Variants in INO80 observed in about 807,000 individuals in gnomAD.
INO80 encodes the protein INO80 complex ATPase subunit, also known as chromatin-remodeling ATPase INO80.
Under a neutral mutation model 203.4 loss-of-function variants are expected in INO80, and 20 were observed. The observed-to-expected ratio is 0.10, with a 90% confidence interval of 0.07 to 0.14. INO80 has a LOEUF of 0.14. Ranked by LOEUF, INO80 falls within the 10% of genes least tolerant of loss-of-function variation. The pLI is 1.00. For missense variants in INO80, 1,419 were observed against 1,914.4 expected (o/e 0.74, Z 4.83); for synonymous variants, 726 against 685.2 (o/e 1.06, Z -0.93).
At chr15:40,986,481 C>T (rs911465588) in intron 31 of INO80, among the ~76,000 whole-genome samples, 4 of 151,618 alleles carry the variant, frequency 2.6e-5, no homozygotes, top group Non-Finnish European at 4.4e-5. Context: ...CCCACCACCA[C>T]GCCCGACTAA....
chr15:40,983,717 T>C, intron 34 of INO80, 45 bp downstream of exon 34: 1 of 1,581,764 alleles, frequency 6.3e-7, no homozygotes, highest in Non-Finnish European at 8.7e-7. Context: ...AAACCAGTGC[T>C]GGGCAGTGGA....
At chr15:40,997,499 T>G (rs1195863942) in intron 29 of INO80, 30 bp downstream of exon 29, 1 of 1,432,652 alleles carries the variant, frequency 7.0e-7, no homozygotes, top group African/African-American at 1.4e-5. Context: ...AAAACCTGCA[T>G]ATCTAGTTGA....
In INO80 at chr15:41,007,165, A is replaced by T. The variant is rs183104853; in HGVS notation, c.3403-1478T>A. Reference sequence around the variant, plus strand: ...AAAAAGGTAGGCTTCCTGCACAGGCACTCTTTTTTTTTTTTTCTTTTTTTT... The same window carrying T: ...AAAAAGGTAGGCTTCCTGCACAGGCTCTCTTTTTTTTTTTTTCTTTTTTTT... On this transcript the variant is annotated intron_variant, in intron 27 of 35. Transcript: ENST00000648947. 3.0e-3 allele frequency among the ~76,000 whole-genome samples: 386 copies of T among 130,844 alleles called. 2 individuals are homozygous for T. Among genetic ancestry groups the T allele is most frequent in the South Asian group, 0.014 (59 of 4,174 alleles). 85.8% of individuals were successfully genotyped at this position (130,844 alleles called of 152,430 possible). A position where few individuals can be genotyped will look rare whatever the true frequency, so the allele number is the denominator to read the frequency against.
At chr15:41,023,436 C>T (rs2140471882) in intron 25 of INO80, 1 of 436,236 alleles carries the variant, frequency 2.3e-6, no homozygotes, top group Non-Finnish European at 4.6e-6. Flanking sequence ...ATGTCTTGAA[C>T]AGCATGCATA....
At chr15:41,039,091 A>C (rs1210490146) in intron 24 of INO80, among the ~76,000 whole-genome samples, 1 of 152,180 alleles carries the variant, frequency 6.6e-6, no homozygotes, top group Non-Finnish European at 1.5e-5. Context: ...TTTTGGCTCA[A>C]ATCCTTAACT....
chr15:41,100,519 C>A (rs2045792073), intron 1 of INO80, among the ~76,000 whole-genome samples: 1 of 152,188 alleles, frequency 6.6e-6, no homozygotes, highest in Non-Finnish European at 1.5e-5. Context: ...ATACATCAGT[C>A]CTGTCAACTG....
At chr15:41,058,961 T>G (rs2045051350) in intron 15 of INO80, among the ~76,000 whole-genome samples, 180 bp from the exon 16 acceptor site, 1 of 152,068 alleles carries the variant, frequency 6.6e-6, no homozygotes, top group Non-Finnish European at 1.5e-5. Flanking sequence ...GTCTGTTGTT[T>G]TGCTGTTGTT....
chr15:41,087,746 T>C lies in INO80; in HGVS notation c.538-64A>G, dbSNP rs532278319. ...AGTACAGCTTTCAAATTACCTTTAC[T>C]ACAGAAAACTAAGCCAGAGGAAATC... On this transcript the variant is annotated intron_variant, in intron 5 of 35. Transcript: ENST00000648947. 2.0e-3 allele frequency: 2,992 copies of C among 1,523,606 alleles called. 9 individuals are homozygous for C. The highest frequency in any genetic ancestry group is 2.4e-3 in the Non-Finnish European group (2,688 of 1,131,838). 94.4% of individuals were successfully genotyped at this position (1,523,606 alleles called of 1,614,324 possible).
chr15:40,998,816 C>G (rs2043916805), intron 28 of INO80, among the ~76,000 whole-genome samples: 1 of 152,042 alleles, frequency 6.6e-6, no homozygotes, highest in African/African-American at 2.4e-5. Flanking sequence ...TGCCCACCAC[C>G]ATGCCTGGCT....
chr15:41,084,693 T>C (rs939701081), intron 7 of INO80, among the ~76,000 whole-genome samples: 2 of 152,182 alleles, frequency 1.3e-5, no homozygotes, highest in Non-Finnish European at 1.5e-5. Context: ...ATTTGTAAAT[T>C]CTCTAAGAAA....
intron 27 of INO80, among the ~76,000 whole-genome samples, chr15:41,013,614 G>A (rs1265377450): frequency 6.6e-6 from 1 of 152,132 alleles, no homozygotes; most frequent in Non-Finnish European, 1.5e-5. Flanking sequence ...TTCTATTTCA[G>A]TACTAATCTC....
intron 28 of INO80, among the ~76,000 whole-genome samples, chr15:40,998,068 C>A (rs1395183199): frequency 1.5e-5 from 2 of 129,752 alleles, no homozygotes; most frequent in South Asian, 4.8e-4. Context: ...GTCGCCCAGG[C>A]TGGAGTGTAG....
rs1893764178 is a variant in INO80, at chr15:40,980,158, A to C, written c.*65T>G. On this transcript the variant is annotated 3_prime_UTR_variant, in exon 36 of 36. Transcript: ENST00000648947. ...GATGCTGCACGGGGCAAGCCATCCAAAGACCACTGGCAGGTCAGGACTCTA... is the reference window on the plus strand; with the variant it reads ...GATGCTGCACGGGGCAAGCCATCCACAGACCACTGGCAGGTCAGGACTCTA... 3.7e-6 allele frequency: 5 copies of C among 1,344,718 alleles called. No individual in the cohort carries two copies. The East Asian group carries it at 9.2e-5, about 25-fold the overall frequency. The allele number at this position is 1,344,718 out of a possible 1,614,324, so 83.3% of individuals were successfully genotyped here. A position where few individuals can be genotyped will look rare whatever the true frequency, so the allele number is the denominator to read the frequency against.
At chr15:41,015,622 T>C (rs1034440996) in intron 27 of INO80, among the ~76,000 whole-genome samples, 2 of 151,968 alleles carry the variant, frequency 1.3e-5, no homozygotes, top group Admixed American at 6.6e-5. Flanking sequence ...GCTCCCTTTA[T>C]AGATTGTAAA....
In INO80 at chr15:40,979,014, A is replaced by AT. The variant is rs1425571124; in HGVS notation, c.*1208dup. ...CACATTCAAAGAGAAAAGGCTTGGC[A>AT]TTTTTCTGATTCCCTCTAAATAGCA... On this transcript the variant is annotated 3_prime_UTR_variant, in exon 36 of 36. Transcript: ENST00000648947. 6.6e-6 allele frequency: 1 copy of AT among 152,628 alleles called. No homozygotes were observed. The highest frequency in any genetic ancestry group is 2.4e-5 in the African/African-American group (1 of 41,446). The allele number at this position is 152,628 out of a possible 1,614,324, so 9.5% of individuals were successfully genotyped here. A position where few individuals can be genotyped will look rare whatever the true frequency, so the allele number is the denominator to read the frequency against.
In INO80 at chr15:41,069,796, T is replaced by A. The variant is rs553765972; in HGVS notation, c.1687-131A>T. ...AGAGAAACAGTGAGTAAATCCCAAA[T>A]CTGCACATTCAATAGTAATATCCTA... On this transcript the variant is annotated intron_variant, in intron 13 of 35. Coordinates refer to ENST00000648947, the MANE Select transcript of INO80 (RefSeq NM_017553.3). 48 of 602,160 alleles carry A rather than the reference T, an allele frequency of 8.0e-5. No homozygotes were observed. The South Asian group carries it at 9.4e-4, about 12-fold the overall frequency. The allele number at this position is 602,160 out of a possible 1,614,324, so 37.3% of individuals were successfully genotyped here. A position where few individuals can be genotyped will look rare whatever the true frequency, so the allele number is the denominator to read the frequency against.
rs966960469 is a variant in INO80, at chr15:41,095,741, A to C, written c.313+18T>G. The C allele has an allele frequency of 6.2e-7, 1 of 1,613,000 alleles. No individual in the cohort carries two copies. Among genetic ancestry groups the C allele is most frequent in the African/African-American group, 1.3e-5 (1 of 74,920 alleles). On this transcript the variant is annotated intron_variant, in intron 3 of 35. Transcript: ENST00000648947. ...CAAGATAACGATAGTCCAAAGGGGGATGTCACACCACACTGACCTGACTGT... is the reference window on the plus strand; with the variant it reads ...CAAGATAACGATAGTCCAAAGGGGGCTGTCACACCACACTGACCTGACTGT...
chr15:41,112,929 G>A (rs2045978591), intron 1 of INO80, among the ~76,000 whole-genome samples: 1 of 148,514 alleles, frequency 6.7e-6, no homozygotes, highest in Non-Finnish European at 1.5e-5. Context: ...TGTTGTTGTT[G>A]TTGTTGAGCC....
At chr15:41,084,373 A>G (rs368682843) in intron 7 of INO80, among the ~76,000 whole-genome samples, 29 of 152,246 alleles carry the variant, frequency 1.9e-4, no homozygotes, top group East Asian at 1.2e-3. Context: ...CAGCCTGGCC[A>G]ACATGGTGAA....
Sources: allele counts gnomAD v4.1 joint callset (sites outside exome capture counted in the v4.1 genomes callset), GRCh38; gene constraint gnomAD v4.1.1; transcripts MANE v1.5; gene names NCBI Gene and HGNC (gene_info 2026-07-23, HGNC 2026-07-21).